MROH1: variants seen among roughly 807,000 people sequenced by gnomAD.
The protein encoded by MROH1 is maestro heat like repeat family member 1, also known as maestro heat-like repeat-containing protein family member 1.
In MROH1, 117 loss-of-function variants were observed where a neutral mutation model predicts 116.5. That is an observed-to-expected ratio of 1.00 (90% confidence interval 0.86 to 1.17). The LOEUF is 1.17. Among genes scored for constraint, MROH1 ranks in the 50% most tolerant of loss-of-function variants. The pLI, the probability that MROH1 is intolerant of heterozygous loss-of-function variation, is 0.00. For synonymous variants in MROH1, 921 were observed against 583.9 expected (o/e 1.58, Z -8.32); for missense variants, 1,873 against 1,338.5 (o/e 1.40, Z -6.23).
chr8:144,260,032 A>T lies in MROH1; in HGVS notation c.4166A>T (p.Asn1389Ile). Residue 1389 changes from asparagine (N) to isoleucine (I), a missense_variant, in exon 38 of 44, where the codon AAC (asparagine) becomes ATC (isoleucine). Transcript: ENST00000326134. ...AGGCTGGTGCTCCGCGGCCTGGCCAACCTGGCCTCCGGCTGCCCTGACAAG... is the reference window on the plus strand; with the variant it reads ...AGGCTGGTGCTCCGCGGCCTGGCCATCCTGGCCTCCGGCTGCCCTGACAAG... Reference protein sequence around the residue: ...VRRLVLRGLANLASGCPDKVR... With the variant: ...VRRLVLRGLAILASGCPDKVR... 1.4e-6 allele frequency: 1 copy of T among 725,292 alleles called. No homozygotes were observed. Among genetic ancestry groups the T allele is most frequent in the Admixed American group, 1.9e-5 (1 of 52,356 alleles). 44.9% of individuals were successfully genotyped at this position (725,292 alleles called of 1,614,324 possible).
intron 4 of MROH1, chr8:144,175,104 A>T: frequency 2.0e-6 from 2 of 985,476 alleles, no homozygotes; most frequent in Non-Finnish European, 2.4e-6. Context: ...CAAGATCAAG[A>T]ACCAGAGGAG....
chr8:144,256,992 T>C (rs1283711023), intron 35 of MROH1, among the ~76,000 whole-genome samples: 1 of 151,544 alleles, frequency 6.6e-6, no homozygotes, highest in Non-Finnish European at 1.5e-5. Context: ...CATGAGGCCC[T>C]GGCTCAGACC....
chr8:144,243,725 A>C, intron 25 of MROH1, 109 bp downstream of exon 25: 1 of 759,696 alleles, frequency 1.3e-6, no homozygotes, highest in Non-Finnish European at 2.4e-6. Context: ...GCCTGGGAAC[A>C]TGGGAGGGGC....
rs1824467380 is a variant in MROH1, at chr8:144,177,980, T to TC, written c.169-1474dup. ...GTATTTCTTCTTCTTTTTTTTTTTT[T>TC]CTTTGAGACAGTCTTGCTCTGTCGC... is the stretch of plus-strand genomic sequence containing the variant. On this transcript the variant is annotated intron_variant, in intron 4 of 43. Coordinates refer to ENST00000326134, the MANE Select transcript of MROH1 (RefSeq NM_032450.3). Among the ~76,000 whole-genome samples, 3 of 151,576 alleles carry TC rather than the reference T, an allele frequency of 2.0e-5. No individual in the cohort carries two copies. The East Asian group carries it at 5.8e-4, about 29-fold the overall frequency.
intron 36 of MROH1, 59 bp downstream of exon 36, chr8:144,258,973 C>A: frequency 3.0e-6 from 2 of 676,658 alleles, no homozygotes; most frequent in Non-Finnish European, 2.7e-6. Context: ...GGATCTCGAG[C>A]CCAGAACATG....
chr8:144,180,605 C>T lies in MROH1; in HGVS notation c.562+82C>T. ...CCGGGCATGCCTGTTTTAGGGGGGACAGGTGGGCACTTTAGGCTGCAGGAA... is the reference window on the plus strand; with the variant it reads ...CCGGGCATGCCTGTTTTAGGGGGGATAGGTGGGCACTTTAGGCTGCAGGAA... On this transcript the variant is annotated intron_variant, in intron 7 of 43. Transcript: ENST00000326134. This position sits in a 1 kb window ranked among gnomAD's most constrained non-coding sequence, Gnocchi z 7.4. 2 of 1,333,118 alleles carry T rather than the reference C, an allele frequency of 1.5e-6. No homozygotes were observed. The highest frequency in any genetic ancestry group is 2.1e-6 in the Non-Finnish European group (2 of 967,966). 82.6% of individuals were successfully genotyped at this position (1,333,118 alleles called of 1,614,324 possible). A position where few individuals can be genotyped will look rare whatever the true frequency, so the allele number is the denominator to read the frequency against.
At position 144,152,592 on chromosome 8, in the gene MROH1, G is replaced by A. The variant is rs1031283937; in HGVS notation, c.-177+4516G>A. Among the ~76,000 whole-genome samples the A allele has an allele frequency of 3.1e-3, 471 of 151,244 alleles. 14 individuals carry two copies. In the East Asian group the frequency reaches 0.071, roughly 23 times the overall value. On this transcript the variant is annotated intron_variant, in intron 1 of 43. Transcript: ENST00000326134. ...GAGACAGTCTCGCTCTGTCGCCCAG[G>A]CTGGAGTGCAGTGGTGCAATCTCGG...
chr8:144,161,700 G>C (rs1819572163), intron 2 of MROH1, among the ~76,000 whole-genome samples: 1 of 152,232 alleles, frequency 6.6e-6, no homozygotes, highest in African/African-American at 2.4e-5. Flanking sequence ...AAGTCCATGT[G>C]CCCATTTGTT....
rs1170411401 is a variant in MROH1, at chr8:144,261,099, C to T, written c.4672-15C>T. 6 of 775,534 alleles carry T rather than the reference C, an allele frequency of 7.7e-6. No individual in the cohort carries two copies. Among genetic ancestry groups the T allele is most frequent in the Non-Finnish European group, 1.4e-5 (6 of 417,640 alleles). The allele number at this position is 775,534 out of a possible 1,614,324, so 48.0% of individuals were successfully genotyped here. A position where few individuals can be genotyped will look rare whatever the true frequency, so the allele number is the denominator to read the frequency against. ...TGGGGCGGGGCCAGGCGGCACTGAC[C>T]AGGCCTCTCCCCAGATGCACCATTT... On this transcript the variant is annotated splice_polypyrimidine_tract_variant and intron_variant, in intron 41 of 43. Transcript: ENST00000326134.
intron 4 of MROH1, among the ~76,000 whole-genome samples, chr8:144,172,262 A>G (rs1045772732): frequency 6.6e-6 from 1 of 152,174 alleles, no homozygotes; most frequent in Admixed American, 6.5e-5. Context: ...TAAGGTCTGA[A>G]AAGAGACATT....
At chr8:144,214,244 T>G (rs1834794764) in intron 12 of MROH1, 1 of 152,280 alleles carries the variant, frequency 6.6e-6, no homozygotes, top group African/African-American at 2.4e-5. Flanking sequence ...GGGTCACTTT[T>G]CAGAATAGCC....
chr8:144,176,761 G>A (rs903059333), intron 4 of MROH1, among the ~76,000 whole-genome samples: 2 of 151,188 alleles, frequency 1.3e-5, no homozygotes, highest in East Asian at 2.0e-4. Flanking sequence ...CTCGGAAGGC[G>A]GAGGTTGCAG....
In MROH1 at chr8:144,240,106, A is replaced by G; in HGVS notation, c.1780A>G (p.Thr594Ala). ...PLLLGYLDEH[T>A]EETLPQEEWE... ...CTGCGCGGCTGTCGTTTCAGAGCAC[A>G]CAGAAGAGACCCTGCCACAGGAGGA... The change falls in exon 19 of 44, where the codon ACA becomes GCA. Residue 594 changes from threonine (T) to alanine (A), a missense_variant. Thr to Ala is a moderately conservative substitution (Grantham distance 58). Coordinates refer to ENST00000326134, the MANE Select transcript of MROH1 (RefSeq NM_032450.3). 5 of 778,462 alleles carry G rather than the reference A, an allele frequency of 6.4e-6. No homozygotes were observed. Among genetic ancestry groups the G allele is most frequent in the South Asian group, 5.4e-5 (4 of 74,140 alleles). 48.2% of individuals were successfully genotyped at this position (778,462 alleles called of 1,614,324 possible).
intron 12 of MROH1, among the ~76,000 whole-genome samples, chr8:144,202,018 CA>C (rs1360553214): frequency 6.8e-6 from 1 of 147,204 alleles, no homozygotes; most frequent in African/African-American, 2.5e-5. Flanking sequence ...ACTCCGTCTC[CA>C]AAAAAAAAAA....
intron 7 of MROH1, among the ~76,000 whole-genome samples, chr8:144,188,667 C>T (rs1388598398): frequency 6.6e-6 from 1 of 151,992 alleles, no homozygotes; most frequent in Non-Finnish European, 1.5e-5. Context: ...GGGGTGTCAA[C>T]ATGTTGCCCA....
Position 144,260,354 on chromosome 8 carries a change from A to G in MROH1, c.4360A>G (p.Ile1454Val), listed in dbSNP as rs1844788967. The G allele has an allele frequency of 6.9e-6, 5 of 727,408 alleles. No individual in the cohort carries two copies. The highest frequency in any genetic ancestry group is 1.7e-5 in the African/African-American group (1 of 58,092). The allele number at this position is 727,408 out of a possible 1,614,324, so 45.1% of individuals were successfully genotyped here. ...AGGGCTGCTGCACGTGGCCATCCGC[A>G]TCCGGCCTTTCTTCGACAGTGTAGG... ...RSGLLHVAIRIRPFFDSEKME... is the reference protein window; with the variant it reads ...RSGLLHVAIRVRPFFDSEKME... The change falls in exon 39 of 44, where the codon ATC becomes GTC. Residue 1454 changes from isoleucine to valine, a missense_variant. Physicochemically the swap from Ile to Val is conservative, Grantham distance 29. Coordinates refer to ENST00000326134, the MANE Select transcript of MROH1 (RefSeq NM_032450.3).
chr8:144,206,526 G>A (rs1226691466), intron 12 of MROH1, among the ~76,000 whole-genome samples: 10 of 151,030 alleles, frequency 6.6e-5, no homozygotes, highest in Non-Finnish European at 1.2e-4. Flanking sequence ...GGGTTCAAGC[G>A]ATTCTCCTGC....
At chr8:144,156,738 C>G (rs1306506375) in intron 1 of MROH1, among the ~76,000 whole-genome samples, 2 of 139,204 alleles carry the variant, frequency 1.4e-5, no homozygotes, top group Non-Finnish European at 3.1e-5. Context: ...AAAGAATTTG[C>G]ACATCTGTGT....
intron 7 of MROH1, among the ~76,000 whole-genome samples, chr8:144,184,711 G>A (rs1478182486): frequency 1.3e-5 from 2 of 152,230 alleles, no homozygotes; most frequent in Non-Finnish European, 2.9e-5. Context: ...AGAGAAGGGG[G>A]TGCGGGGCAG....
Sources: gnomAD v4.1 joint callset for allele counts (sites outside exome capture counted in the v4.1 genomes callset) on GRCh38, gnomAD v4.1.1 for gene constraint, Gnocchi (gnomAD v3.1) non-coding constraint, MANE v1.5 for transcripts, NCBI Gene and HGNC (gene_info 2026-07-23, HGNC 2026-07-21) for gene names.